The following MIR2052HG variants were observed in gnomAD, a reference collection of about 807,000 sequenced individuals.
MIR2052HG encodes MIR2052 host gene.
At chr8:74,749,679 C>T (rs544247778) in intron 4 of MIR2052HG, among the ~76,000 whole-genome samples, 35 of 151,764 alleles carry the variant, frequency 2.3e-4, no homozygotes, top group Middle Eastern at 3.4e-3. Context: ...TGAAACCCTG[C>T]CTCCACTAAA....
chr8:74,713,290 T>G (rs1809488350), intron 4 of MIR2052HG, among the ~76,000 whole-genome samples: 1 of 152,172 alleles, frequency 6.6e-6, no homozygotes, highest in Non-Finnish European at 1.5e-5. Flanking sequence ...CATCACCTCT[T>G]TTGAACAATT....
chr8:74,692,218 G>A (rs772125243), intron 2 of MIR2052HG, among the ~76,000 whole-genome samples: 26 of 152,166 alleles, frequency 1.7e-4, no homozygotes, highest in Non-Finnish European at 3.4e-4. Flanking sequence ...AGCTCCCCAA[G>A]TAGCTGGAAT....
intron 4 of MIR2052HG, among the ~76,000 whole-genome samples, chr8:74,738,105 T>TTATGTATGTATG (rs756618957): frequency 2.1e-5 from 3 of 145,064 alleles, no homozygotes; most frequent in South Asian, 2.2e-4. Flanking sequence ...TATGTATCTG[T>TTATGTATGTATG]TATGTATGTA....
intron 2 of MIR2052HG, among the ~76,000 whole-genome samples, chr8:74,618,270 T>C (rs576155122): frequency 1.3e-5 from 2 of 152,370 alleles, no homozygotes; most frequent in South Asian, 4.1e-4. Flanking sequence ...TTTTATTTTT[T>C]AATAGAATTT....
At chr8:74,675,791 G>T (rs1447873886) in intron 2 of MIR2052HG, among the ~76,000 whole-genome samples, 1 of 151,888 alleles carries the variant, frequency 6.6e-6, no homozygotes, top group Non-Finnish European at 1.5e-5. Context: ...ATTTAGAGAG[G>T]ATGAAAACAA....
At chr8:74,660,279 C>T (rs539635555) in intron 2 of MIR2052HG, among the ~76,000 whole-genome samples, 1 of 152,212 alleles carries the variant, frequency 6.6e-6, no homozygotes, top group South Asian at 2.1e-4. Context: ...TTTATTAACT[C>T]AGCTGCCCTA....
intron 2 of MIR2052HG, among the ~76,000 whole-genome samples, chr8:74,682,735 T>G (rs1809139328): frequency 6.6e-6 from 1 of 152,170 alleles, no homozygotes; most frequent in Non-Finnish European, 1.5e-5. Context: ...CTGCATGAGC[T>G]ACAACCCTGC....
chr8:74,705,010 G>C (rs933015257), intron 4 of MIR2052HG, among the ~76,000 whole-genome samples: 1 of 151,848 alleles, frequency 6.6e-6, no homozygotes. Context: ...GGTCATGATG[G>C]TATAGCAGCT....
intron 2 of MIR2052HG, among the ~76,000 whole-genome samples, chr8:74,685,221 T>G (rs1476486595): frequency 6.6e-6 from 1 of 152,126 alleles, no homozygotes; most frequent in East Asian, 1.9e-4. Flanking sequence ...TTTAAAATAA[T>G]TTCTTTCTTC....
At chr8:74,635,856 G>A (rs1317108129) in intron 2 of MIR2052HG, among the ~76,000 whole-genome samples, 1 of 152,174 alleles carries the variant, frequency 6.6e-6, no homozygotes, top group Non-Finnish European at 1.5e-5. Context: ...AAAGTCTGAT[G>A]TGTGTTGACT....
intron 2 of MIR2052HG, among the ~76,000 whole-genome samples, chr8:74,657,251 C>T (rs1808816554): frequency 6.6e-6 from 1 of 152,160 alleles, no homozygotes; most frequent in Non-Finnish European, 1.5e-5. Context: ...TTGCCAGCTT[C>T]CCACTGCAGC....
intron 4 of MIR2052HG, among the ~76,000 whole-genome samples, chr8:74,712,045 A>G (rs867725784): frequency 1.3e-5 from 2 of 152,134 alleles, no homozygotes; most frequent in African/African-American, 4.8e-5. Context: ...ATTTAAGGTT[A>G]TACTCTGCAA....
chr8:74,638,463 G>A (rs753882847), intron 2 of MIR2052HG, among the ~76,000 whole-genome samples: 28 of 152,252 alleles, frequency 1.8e-4, no homozygotes, highest in African/African-American at 2.2e-4. Flanking sequence ...ATGACTTGAA[G>A]GGGATGAAAC....
At chr8:74,707,219 A>G (rs1484776979) in intron 4 of MIR2052HG, among the ~76,000 whole-genome samples, 2 of 152,052 alleles carry the variant, frequency 1.3e-5, no homozygotes, top group African/African-American at 2.4e-5. Flanking sequence ...TGGGTGCTAT[A>G]TTGTTACATT....
chr8:74,738,734 A>G (rs1457218713), intron 4 of MIR2052HG, among the ~76,000 whole-genome samples: 1 of 152,194 alleles, frequency 6.6e-6, no homozygotes, highest in Non-Finnish European at 1.5e-5. Flanking sequence ...AATTTTCAAG[A>G]TAACTCCACT....
chr8:74,739,210 G>T (rs1201519246), intron 4 of MIR2052HG, among the ~76,000 whole-genome samples: 1 of 152,154 alleles, frequency 6.6e-6, no homozygotes, highest in East Asian at 1.9e-4. Flanking sequence ...TTTCTGTGTG[G>T]TTCTTGTGTT....
chr8:74,649,750 GTT>G (rs1808733172), intron 2 of MIR2052HG, among the ~76,000 whole-genome samples: 1 of 152,018 alleles, frequency 6.6e-6, no homozygotes, highest in Non-Finnish European at 1.5e-5. Context: ...AGTTTGAAGA[GTT>G]TAGAGAAGTG....
chr8:74,693,870 C>A (rs1472471995), intron 2 of MIR2052HG, among the ~76,000 whole-genome samples: 1 of 152,250 alleles, frequency 6.6e-6, no homozygotes, highest in Non-Finnish European at 1.5e-5. Context: ...TAGGGTCTTT[C>A]CCTATCTACC....
intron 4 of MIR2052HG, among the ~76,000 whole-genome samples, chr8:74,718,524 A>C (rs1339408347): frequency 1.3e-5 from 2 of 152,196 alleles, no homozygotes; most frequent in Non-Finnish European, 2.9e-5. Context: ...CTTCCTTTTA[A>C]AGGAATAAAC....
Sources: allele counts gnomAD v4.1 joint callset (sites outside exome capture counted in the v4.1 genomes callset), GRCh38; gene constraint gnomAD v4.1.1; transcripts MANE v1.5; gene names NCBI Gene and HGNC (gene_info 2026-07-23, HGNC 2026-07-21).